The following ABCD3 variants were observed in gnomAD, a reference collection of about 807,000 sequenced individuals.
ABCD3 encodes ATP-binding cassette sub-family D member 3.
Under a neutral mutation model 105.5 loss-of-function variants are expected in ABCD3, and 41 were observed. The ratio of observed to expected loss-of-function variants is 0.39; its 90% CI spans 0.30 to 0.50. ABCD3 has a LOEUF of 0.50. ABCD3 is among the 20% of genes least tolerant of loss of function. ABCD3 has a pLI of 0.84. For missense variants in ABCD3, 622 were observed against 806.3 expected, an observed-to-expected ratio of 0.77 and a Z score of 2.77; for synonymous variants, 258 against 269.0, an observed-to-expected ratio of 0.96 and a Z score of 0.40.
intron 12 of ABCD3, 27 bp from the exon 13 acceptor site, chr1:94,487,864 TA>T (rs758748789): frequency 1.9e-6 from 3 of 1,606,936 alleles, no homozygotes; most frequent in Non-Finnish European, 2.6e-6. Flanking sequence ...GAACTATAAG[TA>T]AAAACTAATA....
At chr1:94,431,943 G>C (rs1334991679) in intron 1 of ABCD3, among the ~76,000 whole-genome samples, 1 of 152,178 alleles carries the variant, frequency 6.6e-6, no homozygotes, top group Non-Finnish European at 1.5e-5. Context: ...AGGTGGGGTG[G>C]AGGAAGCAAG....
intron 8 of ABCD3, among the ~76,000 whole-genome samples, chr1:94,479,714 C>T (rs923137210): frequency 6.6e-6 from 1 of 152,082 alleles, no homozygotes; most frequent in Admixed American, 6.6e-5. Flanking sequence ...AGAACAACCT[C>T]ACTGAATGGA....
At chr1:94,432,823 T>C (rs1659740100) in intron 1 of ABCD3, among the ~76,000 whole-genome samples, 1 of 151,786 alleles carries the variant, frequency 6.6e-6, no homozygotes, top group South Asian at 2.1e-4. Flanking sequence ...ACAATGGAGA[T>C]GTCTTCTGAG....
intron 1 of ABCD3, among the ~76,000 whole-genome samples, chr1:94,445,863 C>G (rs980801231): frequency 6.6e-6 from 1 of 152,130 alleles, no homozygotes; most frequent in Non-Finnish European, 1.5e-5. Flanking sequence ...CCAGGCTGCT[C>G]TGCGACCTAT....
At chr1:94,473,648 A>AT in intron 4 of ABCD3, 118 bp from the exon 5 acceptor site, 1 of 827,988 alleles carries the variant, frequency 1.2e-6, no homozygotes, top group Non-Finnish European at 2.0e-6. Flanking sequence ...CATCTTTTTT[A>AT]TTGATTGTTT....
chr1:94,458,461 T>A, intron 1 of ABCD3, 146 bp from the exon 2 acceptor site: 8 of 719,792 alleles, frequency 1.1e-5, no homozygotes, highest in Non-Finnish European at 1.9e-5. Flanking sequence ...GGTGGACTAT[T>A]ATTATTTAAT....
At chr1:94,464,480 C>G (rs61772855) in intron 2 of ABCD3, among the ~76,000 whole-genome samples, 1 of 151,936 alleles carries the variant, frequency 6.6e-6, no homozygotes, top group Admixed American at 6.6e-5. Context: ...TCCTCAAGCA[C>G]GTTGCAGGTG....
rs565010790 is a variant in ABCD3, at chr1:94,463,996, C to T, written c.148-779C>T. On this transcript the variant is annotated intron_variant, in intron 2 of 22. Coordinates refer to ENST00000370214, the MANE Select transcript of ABCD3 (RefSeq NM_002858.4). ...GTGCTTCACTCCCTCCCCTCTGCTA[C>T]CCACTTTAAATAATCACATGGCTTT... Among the ~76,000 whole-genome samples, 5 of 152,274 alleles carry T rather than the reference C, an allele frequency of 3.3e-5. No individual in the cohort carries two copies. In the South Asian group the frequency reaches 1.0e-3, roughly 32 times the overall value.
chr1:94,424,009 C>CAGTT (rs1659370642), intron 1 of ABCD3, among the ~76,000 whole-genome samples: 1 of 152,138 alleles, frequency 6.6e-6, no homozygotes, highest in African/African-American at 2.4e-5. Flanking sequence ...GAGACCCTTA[C>CAGTT]AGTTACCCAT....
chr1:94,482,325 CAT>C (rs922559488), intron 9 of ABCD3: 3 of 152,118 alleles, frequency 2.0e-5, no homozygotes, highest in Admixed American at 6.5e-5. Flanking sequence ...AAATATAAAA[CAT>C]AAATTGTTTA....
intron 1 of ABCD3, among the ~76,000 whole-genome samples, chr1:94,442,442 A>G (rs377641807): frequency 4.7e-4 from 71 of 152,296 alleles, no homozygotes; most frequent in South Asian, 1.7e-3. Flanking sequence ...CATTGGTATT[A>G]TATATAATTT....
intron 1 of ABCD3, among the ~76,000 whole-genome samples, chr1:94,442,792 A>G (rs1316116073): frequency 6.6e-6 from 1 of 152,218 alleles, no homozygotes; most frequent in Non-Finnish European, 1.5e-5. Context: ...TGTGAAAGAC[A>G]TGATTTCATT....
chr1:94,499,587 C>T lies in ABCD3; in HGVS notation c.1713C>T (p.Leu571=). 1.9e-6 allele frequency: 3 copies of T among 1,613,708 alleles called. No individual in the cohort carries two copies. In the South Asian group the frequency reaches 3.3e-5, roughly 18 times the overall value. Reference sequence around the variant, plus strand: ...GTGTTCAGGATTGGATGGACGTACTCAGTGGTGGAGAAAAGCAAAGAATGG... The same window carrying T: ...GTGTTCAGGATTGGATGGACGTACTTAGTGGTGGAGAAAAGCAAAGAATGG... ...WDSVQDWMDV[L]SGGEKQRMAM... is the part of the protein sequence containing the mutation. Residue 571 remains leucine (L), a synonymous_variant, in exon 20 of 23, where the codon CTC becomes CTT. Transcript: ENST00000370214.
chr1:94,440,423 G>A (rs766289747), intron 1 of ABCD3, among the ~76,000 whole-genome samples: 2 of 151,982 alleles, frequency 1.3e-5, no homozygotes, highest in South Asian at 2.1e-4. Flanking sequence ...GTTTCTCTTC[G>A]CAGGAGGCTC....
chr1:94,443,853 T>C (rs934881688), intron 1 of ABCD3, among the ~76,000 whole-genome samples: 33 of 152,192 alleles, frequency 2.2e-4, no homozygotes, highest in African/African-American at 7.7e-4. Context: ...ATTCACATGT[T>C]GGGATTTTGG....
intron 16 of ABCD3, among the ~76,000 whole-genome samples, chr1:94,494,112 AAG>A (rs1459533643): frequency 1.3e-5 from 2 of 152,238 alleles, no homozygotes; most frequent in Non-Finnish European, 2.9e-5. Context: ...AAATTAAAAA[AAG>A]AACAATAACT....
chr1:94,491,963 A>G (rs936208882), intron 16 of ABCD3, among the ~76,000 whole-genome samples: 1 of 152,086 alleles, frequency 6.6e-6, no homozygotes, highest in Non-Finnish European at 1.5e-5. Flanking sequence ...CATTCTAGAC[A>G]CCATTCCTCT....
rs7523215 is a variant in ABCD3, at chr1:94,457,122, T to C, written c.111-1485T>C. 3.7e-3 allele frequency among the ~76,000 whole-genome samples: 559 copies of C among 152,300 alleles called. 19 individuals are homozygous for C. The highest frequency in any genetic ancestry group is 0.033 in the Admixed American group (510 of 15,304). ...TGTCTTGCTATTGAGTTGTTTGAGTTCCTTATATATTTTGGATATTAACCC... is the reference window on the plus strand; with the variant it reads ...TGTCTTGCTATTGAGTTGTTTGAGTCCCTTATATATTTTGGATATTAACCC... On this transcript the variant is annotated intron_variant, in intron 1 of 22. Coordinates refer to ENST00000370214, the MANE Select transcript of ABCD3 (RefSeq NM_002858.4).
chr1:94,486,236 A>C (rs1387842088), intron 10 of ABCD3, among the ~76,000 whole-genome samples: 1 of 152,104 alleles, frequency 6.6e-6, no homozygotes, highest in Non-Finnish European at 1.5e-5. Flanking sequence ...AGGTATATGC[A>C]AATACTATGC....
Sources: gnomAD v4.1 joint callset for allele counts (sites outside exome capture counted in the v4.1 genomes callset) on GRCh38, gnomAD v4.1.1 for gene constraint, MANE v1.5 for transcripts, NCBI Gene and HGNC (gene_info 2026-07-23, HGNC 2026-07-21) for gene names.